ATOSA: variants seen among roughly 807,000 people sequenced by gnomAD.
ATOSA encodes atos homolog A.
At chr15:52,688,180 A>C in the ATOSA span, among the ~76,000 whole-genome samples, 1 of 152,266 alleles carries the variant, frequency 6.6e-6, no homozygotes, top group Non-Finnish European at 1.5e-5. Context: ...TGGCAAACCA[A>C]AGTAGCTATA....
At chr15:52,583,676 G>A in the ATOSA span, among the ~76,000 whole-genome samples, 14 of 152,114 alleles carry the variant, frequency 9.2e-5, no homozygotes, top group Non-Finnish European at 5.9e-5. Flanking sequence ...GTGAGCCACC[G>A]TGCCCGGCTA....
At chr15:52,692,520 C>A in the ATOSA span, among the ~76,000 whole-genome samples, 1 of 152,128 alleles carries the variant, frequency 6.6e-6, no homozygotes, top group African/African-American at 2.4e-5. Context: ...CTACACCCAG[C>A]TAATTGTATT....
the ATOSA span, chr15:52,677,948 T>C: frequency 1.2e-5 from 19 of 1,604,288 alleles, no homozygotes; most frequent in Admixed American, 3.3e-5. Flanking sequence ...CACTTCTAAA[T>C]TGAGGCATAG....
At chr15:52,611,319 G>A in the ATOSA span, 2 of 1,573,468 alleles carry the variant, frequency 1.3e-6, no homozygotes, top group East Asian at 2.2e-5. Flanking sequence ...TTTTAGAATG[G>A]CAGAAGCTGA....
chr15:52,581,496 T>G, the ATOSA span: 1 of 152,240 alleles, frequency 6.6e-6, no homozygotes, highest in Non-Finnish European at 1.5e-5. Flanking sequence ...TGGCTATGAA[T>G]GGGCATGATG....
At chr15:52,684,555 T>C in the ATOSA span, among the ~76,000 whole-genome samples, 1 of 152,146 alleles carries the variant, frequency 6.6e-6, no homozygotes, top group African/African-American at 2.4e-5. Context: ...AACAAATAAA[T>C]TTTTGATAAC....
chr15:52,609,956 A>T, the ATOSA span: 7 of 1,612,716 alleles, frequency 4.3e-6, no homozygotes, highest in Admixed American at 1.2e-4. Flanking sequence ...ATACCACTAA[A>T]GCCTAGAATA....
the ATOSA span, chr15:52,652,190 G>A: frequency 9.5e-6 from 7 of 736,992 alleles, no homozygotes; most frequent in South Asian, 4.9e-5. Flanking sequence ...TTCTTTGCTC[G>A]TCTTACAAAC....
the ATOSA span, among the ~76,000 whole-genome samples, chr15:52,594,397 CT>C: frequency 1.3e-5 from 2 of 152,174 alleles, no homozygotes; most frequent in Non-Finnish European, 2.9e-5. Flanking sequence ...TATTTTCCCA[CT>C]TATGAGAAAC....
the ATOSA span, among the ~76,000 whole-genome samples, chr15:52,700,070 T>G: frequency 6.6e-5 from 10 of 152,214 alleles, no homozygotes; most frequent in Non-Finnish European, 1.5e-4. Context: ...ATTGTTAACA[T>G]GAAATTAACT....
chr15:52,667,776 T>C, the ATOSA span, among the ~76,000 whole-genome samples: 1 of 152,322 alleles, frequency 6.6e-6, no homozygotes, highest in East Asian at 1.9e-4. Flanking sequence ...CATCTGCAAC[T>C]TACACAAGTG....
chr15:52,699,324 T>C, the ATOSA span, among the ~76,000 whole-genome samples: 1 of 152,082 alleles, frequency 6.6e-6, no homozygotes, highest in Non-Finnish European at 1.5e-5. Flanking sequence ...AAAATGTCCT[T>C]GAGGGAGAAT....
the ATOSA span, among the ~76,000 whole-genome samples, chr15:52,644,382 A>G: frequency 1.3e-5 from 2 of 152,156 alleles, no homozygotes; most frequent in East Asian, 3.8e-4. Flanking sequence ...ATCTGATCCT[A>G]TTACCCTCTT....
At chr15:52,619,018 T>G in the ATOSA span, among the ~76,000 whole-genome samples, 2 of 152,212 alleles carry the variant, frequency 1.3e-5, no homozygotes, top group Non-Finnish European at 2.9e-5. Context: ...AACAAAAGAT[T>G]AGAGATGATA....
At chr15:52,683,188 C>T in the ATOSA span, among the ~76,000 whole-genome samples, 1 of 152,054 alleles carries the variant, frequency 6.6e-6, no homozygotes, top group South Asian at 2.1e-4. Flanking sequence ...TTTTTTGTGA[C>T]AGTAACTGTG....
chr15:52,633,705 C>T, the ATOSA span, among the ~76,000 whole-genome samples: 1 of 152,124 alleles, frequency 6.6e-6, no homozygotes, highest in Admixed American at 6.5e-5. Flanking sequence ...TCACTATTAG[C>T]AGACCTTCCC....
At chr15:52,681,028 T>C in the ATOSA span, among the ~76,000 whole-genome samples, 1 of 152,196 alleles carries the variant, frequency 6.6e-6, no homozygotes, top group South Asian at 2.1e-4. Context: ...TTCCTCTATC[T>C]AATGCAAAAG....
chr15:52,625,964 A>G, the ATOSA span, among the ~76,000 whole-genome samples: 1 of 152,210 alleles, frequency 6.6e-6, no homozygotes, highest in Non-Finnish European at 1.5e-5. Context: ...ATTTCACCTA[A>G]TTAAATGGGG....
the ATOSA span, among the ~76,000 whole-genome samples, chr15:52,689,826 G>A: frequency 6.6e-6 from 1 of 152,192 alleles, no homozygotes; most frequent in African/African-American, 2.4e-5. Flanking sequence ...AGAGTTAGTA[G>A]CAGCTGGAGC....
Sources: gnomAD v4.1 joint callset for allele counts (sites outside exome capture counted in the v4.1 genomes callset) on GRCh38, gnomAD v4.1.1 for gene constraint, MANE v1.5 for transcripts, NCBI Gene and HGNC (gene_info 2026-07-23, HGNC 2026-07-21) for gene names.